ARHGAP22: variants seen among roughly 807,000 people sequenced by gnomAD.
ARHGAP22 encodes Rho GTPase activating protein 22.
A neutral mutation model predicts 59.1 loss-of-function variants in ARHGAP22; 48 were observed. The ratio of observed to expected loss-of-function variants is 0.81; its 90% CI spans 0.64 to 1.03. The LOEUF is 1.03. Ranked by LOEUF, ARHGAP22 falls within the 50% of genes least tolerant of loss-of-function variation. The pLI, the probability that ARHGAP22 is intolerant of heterozygous loss-of-function variation, is 0.00. For synonymous variants in ARHGAP22, 445 were observed against 416.4 expected (o/e 1.07, Z -0.84); for missense variants, 1,015 against 958.7 (o/e 1.06, Z -0.78).
chr10:48,436,314 G>T, the ARHGAP22 span: 2 of 152,196 alleles, frequency 1.3e-5, no homozygotes, highest in African/African-American at 4.8e-5. Flanking sequence ...ATGTCGAGTA[G>T]TGTTAAGAAT....
At chr10:48,433,421 T>C in the ARHGAP22 span, among the ~76,000 whole-genome samples, 4 of 152,230 alleles carry the variant, frequency 2.6e-5, no homozygotes, top group African/African-American at 9.6e-5. Flanking sequence ...TATACCATAC[T>C]GTTCAGTCAG....
chr10:48,517,164 G>A (rs555919039), intron 3 of ARHGAP22, among the ~76,000 whole-genome samples: 15 of 152,292 alleles, frequency 9.8e-5, no homozygotes, highest in Admixed American at 2.6e-4. Flanking sequence ...TTAGATTTTG[G>A]TGATAGTTGC....
downstream of ARHGAP22, among the ~76,000 whole-genome samples, chr10:48,443,598 T>C (rs1432444036): frequency 6.6e-6 from 1 of 152,064 alleles, no homozygotes; most frequent in Admixed American, 6.5e-5. Flanking sequence ...ATGTCACAGC[T>C]GCTTAGCTAG....
intron 3 of ARHGAP22, among the ~76,000 whole-genome samples, chr10:48,533,257 C>T (rs984753485): frequency 6.6e-6 from 1 of 151,720 alleles, no homozygotes; most frequent in Non-Finnish European, 1.5e-5. Flanking sequence ...TGAAGCAAGC[C>T]CCATACATCT....
chr10:48,539,332 C>T (rs1473525493), intron 3 of ARHGAP22, among the ~76,000 whole-genome samples: 3 of 131,234 alleles, frequency 2.3e-5, no homozygotes, highest in Non-Finnish European at 3.1e-5. Context: ...CGCTCTGTCG[C>T]CCAGGCTGGA....
chr10:48,553,528 C>T (rs1488511955), intron 3 of ARHGAP22, among the ~76,000 whole-genome samples: 1 of 152,226 alleles, frequency 6.6e-6, no homozygotes. Flanking sequence ...CCGCCACTAG[C>T]TGTGTGTCTC....
intron 5 of ARHGAP22, among the ~76,000 whole-genome samples, chr10:48,456,581 A>T (rs1369848260): frequency 2.0e-5 from 3 of 152,084 alleles, no homozygotes; most frequent in African/African-American, 7.2e-5. Context: ...AGCGCAAGAG[A>T]CTGGGGGAAG....
At chr10:48,472,501 G>A (rs2048324045) in intron 4 of ARHGAP22, among the ~76,000 whole-genome samples, 1 of 151,984 alleles carries the variant, frequency 6.6e-6, no homozygotes, top group Non-Finnish European at 1.5e-5. Context: ...TCCAGCCTGG[G>A]CAACAGAGCG....
At chr10:48,462,522 G>A (rs2047246292) in intron 4 of ARHGAP22, among the ~76,000 whole-genome samples, 1 of 152,194 alleles carries the variant, frequency 6.6e-6, no homozygotes, top group Admixed American at 6.5e-5. Context: ...TCCAACCCAG[G>A]CAGTCTGGCT....
At chr10:48,492,761 C>T (rs534420390) in intron 3 of ARHGAP22, among the ~76,000 whole-genome samples, 3 of 152,182 alleles carry the variant, frequency 2.0e-5, no homozygotes, top group African/African-American at 7.2e-5. Flanking sequence ...ATCATGTTGA[C>T]CAGGCTGGTC....
chr10:48,480,638 T>C (rs190968798), intron 3 of ARHGAP22, among the ~76,000 whole-genome samples: 138 of 152,294 alleles, frequency 9.1e-4, no homozygotes, highest in Admixed American at 3.7e-3. Flanking sequence ...GACCAGCGCT[T>C]ACTGAGCACC....
upstream of ARHGAP22, among the ~76,000 whole-genome samples, chr10:48,609,814 G>A (rs1475579205): frequency 6.6e-6 from 1 of 152,170 alleles, no homozygotes; most frequent in African/African-American, 2.4e-5. Context: ...AGGAGTACGA[G>A]TTTTTCCTGC....
intron 4 of ARHGAP22, among the ~76,000 whole-genome samples, chr10:48,470,727 G>C (rs1315278490): frequency 6.6e-6 from 1 of 152,246 alleles, no homozygotes; most frequent in Non-Finnish European, 1.5e-5. Context: ...GTCTGCAAGA[G>C]TCCTTTCTCT....
At chr10:48,588,859 C>T (rs1297955686) in intron 1 of ARHGAP22, among the ~76,000 whole-genome samples, 3 of 152,118 alleles carry the variant, frequency 2.0e-5, no homozygotes, top group South Asian at 2.1e-4. Context: ...CCTGAGGTGC[C>T]GACCTTTCTG....
At chr10:48,521,228 A>G (rs1258639031) in intron 3 of ARHGAP22, among the ~76,000 whole-genome samples, 1 of 152,192 alleles carries the variant, frequency 6.6e-6, no homozygotes, top group Non-Finnish European at 1.5e-5. Flanking sequence ...TTAATGTCAC[A>G]GCATATCACA....
chr10:48,594,875 G>A (rs892178445), intron 1 of ARHGAP22, among the ~76,000 whole-genome samples: 4 of 151,806 alleles, frequency 2.6e-5, no homozygotes, highest in South Asian at 4.2e-4. Context: ...TCCTGCTTTC[G>A]GATCCCCCTC....
At position 48,455,110 on chromosome 10, in the gene ARHGAP22, G is replaced by A. The variant is rs1350702514; in HGVS notation, c.684C>T (p.Ala228=). The A allele has an allele frequency of 6.2e-7, 1 of 1,611,702 alleles. No homozygotes were observed. The highest frequency in any genetic ancestry group is 1.3e-5 in the African/African-American group (1 of 74,928). Reference sequence around the variant, plus strand: ...CCCGCAGGTACAGCTTCAGCAGGGAGGCCACCGTGTGCACGTCTGTTGTGC... The same window carrying A: ...CCCGCAGGTACAGCTTCAGCAGGGAAGCCACCGTGTGCACGTCTGTTGTGC... ...FDSTTDVHTV[A]SLLKLYLREL... is the part of the protein sequence containing the mutation. Residue 228 remains alanine (A), a synonymous_variant, in exon 6 of 10, where the codon GCC becomes GCT. Transcript: ENST00000249601.
intron 1 of ARHGAP22, among the ~76,000 whole-genome samples, chr10:48,648,387 G>A (rs1320067402): frequency 3.9e-5 from 6 of 152,176 alleles, no homozygotes; most frequent in African/African-American, 1.4e-4. Context: ...AGTGATTAGT[G>A]TGGGACAGAG....
At chr10:48,537,857 A>C (rs1209250887) in intron 3 of ARHGAP22, among the ~76,000 whole-genome samples, 1 of 152,204 alleles carries the variant, frequency 6.6e-6, no homozygotes, top group Non-Finnish European at 1.5e-5. Context: ...GAGGGGGTGC[A>C]GGAAGATGGG....
Sources: allele counts gnomAD v4.1 joint callset (sites outside exome capture counted in the v4.1 genomes callset), GRCh38; gene constraint gnomAD v4.1.1; transcripts MANE v1.5; gene names NCBI Gene and HGNC (gene_info 2026-07-23, HGNC 2026-07-21).